NR3C1: variants seen among roughly 807,000 people sequenced by gnomAD.
The protein encoded by NR3C1 is nuclear receptor subfamily 3 group C member 1.
In NR3C1, 14 loss-of-function variants were observed where a neutral mutation model predicts 74.0. The observed-to-expected ratio is 0.19, with a 90% confidence interval of 0.12 to 0.30. NR3C1 has a LOEUF of 0.30. NR3C1 is among the 10% of genes least tolerant of loss of function. The pLI is 1.00. For synonymous variants in NR3C1, 308 were observed against 332.5 expected (o/e 0.93, Z 0.80); for missense variants, 695 against 909.8 (o/e 0.76, Z 3.04).
At chr5:143,369,613 T>C (rs1393916658) in intron 2 of NR3C1, among the ~76,000 whole-genome samples, 2 of 152,186 alleles carry the variant, frequency 1.3e-5, no homozygotes, top group East Asian at 3.8e-4. Context: ...CACATATATA[T>C]GATTCTATTT....
At chr5:143,282,114 T>C in intron 8 of NR3C1, 73 bp from the exon 9 acceptor site, 1 of 1,546,310 alleles carries the variant, frequency 6.5e-7, no homozygotes, top group Non-Finnish European at 8.9e-7. Flanking sequence ...TGTTGTCCTC[T>C]ATTTTGAAAA....
intron 2 of NR3C1, among the ~76,000 whole-genome samples, chr5:143,353,271 G>GT (rs1830529690): frequency 6.6e-6 from 1 of 152,192 alleles, no homozygotes; most frequent in Admixed American, 6.5e-5. Flanking sequence ...AAACTGAAGT[G>GT]TTGAACCCCT....
chr5:143,389,199 T>C (rs1281068906), intron 2 of NR3C1, among the ~76,000 whole-genome samples: 2 of 152,172 alleles, frequency 1.3e-5, no homozygotes, highest in Non-Finnish European at 2.9e-5. Flanking sequence ...CAGAGTGCTC[T>C]CCATGCTGCT....
intron 2 of NR3C1, among the ~76,000 whole-genome samples, chr5:143,378,494 T>C (rs1343695223): frequency 6.6e-6 from 1 of 152,146 alleles, no homozygotes; most frequent in Non-Finnish European, 1.5e-5. Flanking sequence ...AATTCAGACT[T>C]GCTTGTGTTC....
chr5:143,335,155 GA>G (rs1826848895), intron 2 of NR3C1, among the ~76,000 whole-genome samples: 1 of 152,186 alleles, frequency 6.6e-6, no homozygotes, highest in South Asian at 2.1e-4. Flanking sequence ...CTAGCATCAA[GA>G]AATCACATCA....
chr5:143,335,053 CCTT>C (rs1826824388), intron 2 of NR3C1, among the ~76,000 whole-genome samples: 1 of 152,200 alleles, frequency 6.6e-6, no homozygotes, highest in African/African-American at 2.4e-5. Flanking sequence ...GGGGTTCACA[CCTT>C]CTTGACACTG....
upstream of NR3C1, chr5:143,404,151 C>T: frequency 1.0e-6 from 1 of 985,440 alleles, no homozygotes; most frequent in Non-Finnish European, 1.2e-6. Flanking sequence ...TGACAGCGGG[C>T]GGGCCACAAG....
chr5:143,338,205 C>G (rs1314409083), intron 2 of NR3C1, among the ~76,000 whole-genome samples: 1 of 152,274 alleles, frequency 6.6e-6, no homozygotes, highest in East Asian at 1.9e-4. Flanking sequence ...ACCTACCGTG[C>G]TACCAGTTAT....
intron 2 of NR3C1, among the ~76,000 whole-genome samples, chr5:143,322,178 A>G (rs1249423799): frequency 6.6e-6 from 1 of 152,148 alleles, no homozygotes; most frequent in Non-Finnish European, 1.5e-5. Flanking sequence ...GGTGGGTACT[A>G]TTTTCAGCAT....
At chr5:143,373,637 G>A (rs1834617071) in intron 2 of NR3C1, among the ~76,000 whole-genome samples, 1 of 151,966 alleles carries the variant, frequency 6.6e-6, no homozygotes. Flanking sequence ...TACATTTAAT[G>A]TGATTCCACA....
chr5:143,278,777 T>C lies in NR3C1; in HGVS notation c.*3112A>G, dbSNP rs1812690260. 1 of 152,232 alleles carries C rather than the reference T, an allele frequency of 6.6e-6. No individual in the cohort carries two copies. Among genetic ancestry groups the C allele is most frequent in the South Asian group, 2.1e-4 (1 of 4,832 alleles). 9.4% of individuals were successfully genotyped at this position (152,232 alleles called of 1,614,324 possible). On this transcript the variant is annotated 3_prime_UTR_variant, in exon 9 of 9. Coordinates refer to ENST00000394464, the MANE Select transcript of NR3C1 (RefSeq NM_000176.3). ...TAAAATTATGAGACTTAGGTGAAACTGGAATTGCTCCCTGCCTCTGAATTC... is the reference window on the plus strand; with the variant it reads ...TAAAATTATGAGACTTAGGTGAAACCGGAATTGCTCCCTGCCTCTGAATTC...
intron 1 of NR3C1, among the ~76,000 whole-genome samples, chr5:143,420,311 T>C (rs536274692): frequency 3.3e-5 from 5 of 152,286 alleles, no homozygotes; most frequent in East Asian, 1.9e-4. Flanking sequence ...AGGGTATTGA[T>C]TGGGGAAGTG....
At chr5:143,358,803 G>A (rs1831660452) in intron 2 of NR3C1, among the ~76,000 whole-genome samples, 1 of 151,744 alleles carries the variant, frequency 6.6e-6, no homozygotes. Context: ...GGGAGGCTGA[G>A]CCAGGAGAAT....
intron 7 of NR3C1, among the ~76,000 whole-genome samples, chr5:143,294,699 T>C (rs1561491119): frequency 1.3e-5 from 2 of 152,214 alleles, no homozygotes; most frequent in Non-Finnish European, 2.9e-5. Flanking sequence ...CTTCACAGTT[T>C]TGCCTTTTAT....
At chr5:143,301,776 AT>A (rs1339926983) in intron 4 of NR3C1, among the ~76,000 whole-genome samples, 1 of 152,112 alleles carries the variant, frequency 6.6e-6, no homozygotes, top group Non-Finnish European at 1.5e-5. Context: ...GGAAGAGTAA[AT>A]GTAAATCACC....
intron 7 of NR3C1, among the ~76,000 whole-genome samples, chr5:143,284,987 A>G (rs1246212833): frequency 6.7e-6 from 1 of 150,062 alleles, no homozygotes; most frequent in Admixed American, 6.7e-5. Context: ...CGAAGGAGGT[A>G]CACAAAGAAA....
At chr5:143,405,603 T>G (rs1300174217), upstream of NR3C1, among the ~76,000 whole-genome samples, 2 of 152,096 alleles carry the variant, frequency 1.3e-5, no homozygotes, top group Non-Finnish European at 2.9e-5. Flanking sequence ...CCGGAGACGA[T>G]CTACGGGGGC....
At chr5:143,294,052 T>C (rs1816573244) in intron 7 of NR3C1, 1 of 985,068 alleles carries the variant, frequency 1.0e-6, no homozygotes, top group Non-Finnish European at 1.2e-6. Flanking sequence ...TTGCCTTGAC[T>C]GAAATATTAT....
chr5:143,416,402 T>G (rs1841478012), intron 1 of NR3C1, among the ~76,000 whole-genome samples: 1 of 151,784 alleles, frequency 6.6e-6, no homozygotes, highest in Non-Finnish European at 1.5e-5. Context: ...GCTGATACGA[T>G]GCAAGCTTGG....
Sources: allele counts gnomAD v4.1 joint callset (sites outside exome capture counted in the v4.1 genomes callset), GRCh38; gene constraint gnomAD v4.1.1; transcripts MANE v1.5; gene names NCBI Gene and HGNC (gene_info 2026-07-23, HGNC 2026-07-21).